Variants in NEK10 observed in about 807,000 individuals in gnomAD.
NEK10 encodes the protein NIMA related kinase 10, also known as serine/threonine-protein kinase Nek10.
In NEK10, 122 loss-of-function variants were observed where a neutral mutation model predicts 159.8. That is an observed-to-expected ratio of 0.76 (90% CI 0.66 to 0.89). The LOEUF is 0.89. Ranked by LOEUF, NEK10 falls within the 40% of genes least tolerant of loss-of-function variation. The pLI, the probability that NEK10 is intolerant of heterozygous loss-of-function variation, is 0.00. For synonymous variants in NEK10, 466 were observed against 457.1 expected (o/e 1.02, Z -0.25); for missense variants, 1,342 against 1,323.1 (o/e 1.01, Z -0.22).
At chr3:27,143,356 T>C in intron 30 of NEK10, 1 of 608,072 alleles carries the variant, frequency 1.6e-6, no homozygotes, top group Non-Finnish European at 2.9e-6. Context: ...ATTCATAGAT[T>C]TTAATGAGTT....
chr3:27,291,601 A>C lies in NEK10; in HGVS notation c.1374-15T>G. 1 of 1,362,712 alleles carries C rather than the reference A, an allele frequency of 7.3e-7. No individual in the cohort carries two copies. Among genetic ancestry groups the C allele is most frequent in the Non-Finnish European group, 1.1e-6 (1 of 951,848 alleles). The allele number at this position is 1,362,712 out of a possible 1,614,324, so 84.4% of individuals were successfully genotyped here. A position where few individuals can be genotyped will look rare whatever the true frequency, so the allele number is the denominator to read the frequency against. On this transcript the variant is annotated splice_polypyrimidine_tract_variant and intron_variant, in intron 16 of 35. Transcript: ENST00000691995. ...TGGGGAAAAGTCTACAGAGAATATTACACACACTTAAAGTAGAACTTGGAC... is the reference window on the plus strand; with the variant it reads ...TGGGGAAAAGTCTACAGAGAATATTCCACACACTTAAAGTAGAACTTGGAC...
At chr3:27,351,782 A>G (rs1367986229) in intron 3 of NEK10, among the ~76,000 whole-genome samples, 2 of 152,028 alleles carry the variant, frequency 1.3e-5, no homozygotes, top group African/African-American at 4.8e-5. Flanking sequence ...CCTTCCATTT[A>G]TGAGTTAAGG....
In NEK10 at chr3:27,162,708, T is replaced by C. The variant is rs144865258; in HGVS notation, c.2862A>G (p.Pro954=). ...RDFTGGTGSR[P]RPASAGIAVS... ...CTACCAACACTAAGTTACCTGGTCTTGGTCTTGATCCTGTTCCTCCAGTGA... is the reference window on the plus strand; with the variant it reads ...CTACCAACACTAAGTTACCTGGTCTCGGTCTTGATCCTGTTCCTCCAGTGA... Residue 954 remains proline, a synonymous_variant, in exon 30 of 36, where the codon CCA becomes CCG. Transcript: ENST00000691995. The C allele has an allele frequency of 1.1e-5, 18 of 1,614,170 alleles. No homozygotes were observed. In the African/African-American group the frequency reaches 2.1e-4, roughly 19 times the overall value.
chr3:27,314,229 T>A (rs1295834705), intron 7 of NEK10, 68 bp downstream of exon 7: 2 of 1,137,128 alleles, frequency 1.8e-6, no homozygotes, highest in Non-Finnish European at 2.6e-6. Context: ...TCACATACCC[T>A]TTTAATTCTT....
intron 25 of NEK10, among the ~76,000 whole-genome samples, chr3:27,196,925 C>G (rs1949610134): frequency 6.6e-6 from 1 of 152,078 alleles, no homozygotes; most frequent in Non-Finnish European, 1.5e-5. Flanking sequence ...AAGGCATGAT[C>G]CAGTGTTTGT....
At chr3:27,205,938 A>C (rs1220184816) in intron 23 of NEK10, among the ~76,000 whole-genome samples, 1 of 149,312 alleles carries the variant, frequency 6.7e-6, no homozygotes, top group Non-Finnish European at 1.5e-5. Context: ...AAAATGGGAG[A>C]AAATTTTCGC....
At chr3:27,306,637 A>G (rs1245832959) in intron 11 of NEK10, among the ~76,000 whole-genome samples, 1 of 152,206 alleles carries the variant, frequency 6.6e-6, no homozygotes, top group Non-Finnish European at 1.5e-5. Flanking sequence ...ATCGTTATTT[A>G]TCAGAGACCA....
intron 3 of NEK10, among the ~76,000 whole-genome samples, chr3:27,351,593 TGCCATCAAATCATTTTCCA>T (rs2047976367): frequency 6.6e-6 from 1 of 152,158 alleles, no homozygotes; most frequent in Admixed American, 6.5e-5. Flanking sequence ...GGCTTTTACA[TGCCATCAAATCATTTTCCA>T]GTATAAGCAG....
intron 20 of NEK10, among the ~76,000 whole-genome samples, chr3:27,285,541 C>CA (rs2042526590): frequency 1.3e-5 from 2 of 148,328 alleles, no homozygotes; most frequent in African/African-American, 2.4e-5. Flanking sequence ...AACAAACAAA[C>CA]AAACAAAAAA....
At chr3:27,286,926 G>T (rs893946801) in intron 20 of NEK10, among the ~76,000 whole-genome samples, 1 of 151,904 alleles carries the variant, frequency 6.6e-6, no homozygotes, top group Non-Finnish European at 1.5e-5. Flanking sequence ...GAAGGGAGAT[G>T]GGTAAAATTG....
intron 5 of NEK10, among the ~76,000 whole-genome samples, chr3:27,339,170 G>A (rs2047025109): frequency 6.6e-6 from 1 of 152,128 alleles, no homozygotes; most frequent in South Asian, 2.1e-4. Context: ...CCTTTGCTGT[G>A]CAGAAGCTCT....
At chr3:27,271,068 A>G (rs1186014853) in intron 22 of NEK10, among the ~76,000 whole-genome samples, 1 of 152,156 alleles carries the variant, frequency 6.6e-6, no homozygotes, top group Admixed American at 6.6e-5. Flanking sequence ...TGATGGATAC[A>G]TATCTTTTAA....
At position 27,109,117 on chromosome 3, in the gene NEK10, G is replaced by A. The variant is rs375200959; in HGVS notation, c.*2155C>T. 1.9e-4 allele frequency among the ~76,000 whole-genome samples: 29 copies of A among 152,258 alleles called. No individual in the cohort carries two copies. Among genetic ancestry groups the A allele is most frequent in the African/African-American group, 6.3e-4 (26 of 41,566 alleles). Reference sequence around the variant, plus strand: ...GCAATGGCTGGGCACAGTGGCTCACGCCTCTAATCCCAGCACTTTGGGAGG... The same window carrying A: ...GCAATGGCTGGGCACAGTGGCTCACACCTCTAATCCCAGCACTTTGGGAGG... On this transcript the variant is annotated 3_prime_UTR_variant, in exon 36 of 36. Transcript: ENST00000691995.
intron 22 of NEK10, among the ~76,000 whole-genome samples, chr3:27,280,289 G>A (rs1575571260): frequency 7.0e-6 from 1 of 143,744 alleles, no homozygotes; most frequent in Admixed American, 7.3e-5. Flanking sequence ...CATCTGAGGA[G>A]GAAGGCTTAA....
At chr3:27,193,266 G>A (rs185883227) in intron 25 of NEK10, among the ~76,000 whole-genome samples, 14 of 152,226 alleles carry the variant, frequency 9.2e-5, no homozygotes, top group Middle Eastern at 3.4e-3. Flanking sequence ...CTATTACAAC[G>A]TCACTTACTT....
At chr3:27,241,507 G>T (rs1954557645) in intron 23 of NEK10, among the ~76,000 whole-genome samples, 1 of 152,182 alleles carries the variant, frequency 6.6e-6, no homozygotes, top group African/African-American at 2.4e-5. Context: ...AAGAGCAAGT[G>T]TATAAATACT....
chr3:27,174,014 A>T (rs888631166), intron 28 of NEK10, among the ~76,000 whole-genome samples: 55 of 152,216 alleles, frequency 3.6e-4, no homozygotes, highest in African/African-American at 1.3e-3. Context: ...TATTGTTTTA[A>T]ATGTAACACA....
chr3:27,231,573 A>G (rs1054435199), intron 23 of NEK10, among the ~76,000 whole-genome samples: 1 of 152,096 alleles, frequency 6.6e-6, no homozygotes, highest in Non-Finnish European at 1.5e-5. Context: ...CTTTGAAAAG[A>G]TAAACAAAAT....
At chr3:27,119,665 A>T (rs1559477408) in intron 33 of NEK10, 95 bp downstream of exon 33, 2 of 873,244 alleles carry the variant, frequency 2.3e-6, no homozygotes, top group East Asian at 2.6e-5. Flanking sequence ...AGCTCTATTT[A>T]AAAAAAAATT....
Sources: allele counts gnomAD v4.1 joint callset (sites outside exome capture counted in the v4.1 genomes callset), GRCh38; gene constraint gnomAD v4.1.1; transcripts MANE v1.5; gene names NCBI Gene and HGNC (gene_info 2026-07-23, HGNC 2026-07-21).